The following RAD54B variants were observed in gnomAD, a reference collection of about 807,000 sequenced individuals.
RAD54B encodes the protein RAD54 homolog B.
Under a neutral mutation model 95.8 loss-of-function variants are expected in RAD54B, and 78 were observed. The observed-to-expected ratio is 0.81, with a 90% confidence interval of 0.68 to 0.98. The LOEUF (loss-of-function observed/expected upper bound fraction) is 0.98. RAD54B is among the 50% of genes least tolerant of loss of function. The pLI is 0.00. For missense variants in RAD54B, 957 were observed against 1,056.6 expected, an observed-to-expected ratio of 0.91 and a Z score of 1.31; for synonymous variants, 328 against 354.9, an observed-to-expected ratio of 0.92 and a Z score of 0.85.
chr8:94,412,023 C>CAAAGGGGATAGAGGG (rs1163909402), intron 3 of RAD54B, among the ~76,000 whole-genome samples: 2 of 152,122 alleles, frequency 1.3e-5, no homozygotes, highest in Non-Finnish European at 2.9e-5. Context: ...AACATCTCCC[C>CAAAGGGGATAGAGGG]AATGCCCCAC....
chr8:94,440,229 TC>T (rs1474628980), intron 3 of RAD54B, among the ~76,000 whole-genome samples: 1 of 151,996 alleles, frequency 6.6e-6, no homozygotes, highest in African/African-American at 2.4e-5. Flanking sequence ...AGCTTAGTCC[TC>T]AATGCAGACA....
intron 14 of RAD54B, among the ~76,000 whole-genome samples, chr8:94,373,552 G>C (rs67639046): frequency 0.38 from 57,769 of 152,122 alleles, 11,179 homozygotes; most frequent in Admixed American, 0.5. Flanking sequence ...CAAATGGATG[G>C]AAGAGCTCCA....
Position 94,453,841 on chromosome 8 carries a change from G to C in RAD54B, c.304+4427C>G, listed in dbSNP as rs1015413247. Among the ~76,000 whole-genome samples, 3 of 152,160 alleles carry C rather than the reference G, an allele frequency of 2.0e-5. No homozygotes were observed. The East Asian group carries it at 5.8e-4, about 30-fold the overall frequency. ...GTTTTGCTCTTTTTTGTCCAGGCTG[G>C]AGTGCAACGGCGCAATCTCGGCTCA... On this transcript the variant is annotated intron_variant, in intron 3 of 14. Coordinates refer to ENST00000336148, the MANE Select transcript of RAD54B (RefSeq NM_012415.3).
intron 3 of RAD54B, among the ~76,000 whole-genome samples, chr8:94,425,095 G>GT (rs1303246668): frequency 6.7e-6 from 1 of 150,290 alleles, no homozygotes; most frequent in Non-Finnish European, 1.5e-5. Flanking sequence ...ATAAGGGCAT[G>GT]TTTTGATAAA....
At chr8:94,389,949 CA>C (rs1437375113) in intron 10 of RAD54B, among the ~76,000 whole-genome samples, 5 of 152,190 alleles carry the variant, frequency 3.3e-5, no homozygotes, top group Admixed American at 6.5e-5. Flanking sequence ...TCTGGGCCAT[CA>C]TAAGGTCTTC....
In RAD54B at chr8:94,378,538, T is replaced by C. The variant is rs962628006; in HGVS notation, c.2314+30A>G. 6 of 1,546,368 alleles carry C rather than the reference T, an allele frequency of 3.9e-6. No individual in the cohort carries two copies. In the African/African-American group the frequency reaches 8.3e-5, roughly 21 times the overall value. On this transcript the variant is annotated intron_variant, in intron 13 of 14. Transcript: ENST00000336148. Reference sequence around the variant, plus strand: ...AATAATTTTAATTATTCAAAGAGTATACATTTTTGTCACACTGAAGGGTTG... The same window carrying C: ...AATAATTTTAATTATTCAAAGAGTACACATTTTTGTCACACTGAAGGGTTG...
Position 94,399,528 on chromosome 8 carries a change from T to C in RAD54B, c.1264A>G (p.Asn422Asp). ...MLLRSLDQIK[N>D]IKFDLLICDE... ...CAGATTAGAAGATCAAATTTTATAT[T>C]CTTAATTTGATCCAGGGAACGAAGT... is the stretch of plus-strand genomic sequence containing the variant. Residue 422 changes from asparagine to aspartate, a missense_variant, in exon 8 of 15, where the codon AAT becomes GAT. By Grantham distance (23) the Asn-to-Asp change is conservative. Transcript: ENST00000336148. The C allele has an allele frequency of 6.2e-7, 1 of 1,613,004 alleles. No homozygotes were observed. Among genetic ancestry groups the C allele is most frequent in the Admixed American group, 1.7e-5 (1 of 59,930 alleles).
Position 94,372,319 on chromosome 8 carries a change from A to AG in RAD54B, c.2583dup (p.Ser862LeufsTer29). On this transcript the variant is annotated frameshift_variant, in exon 15 of 15. Transcript: ENST00000336148. LOFTEE classifies it high-confidence loss of function. The stretch of plus-strand genomic sequence containing the variant: ...TGGGACATAGAAAGAGGTTTCAGGG[A>AG]GTTAGATTTCTGGTGATGTGGACCA... 1 of 1,613,812 alleles carries AG rather than the reference A, an allele frequency of 6.2e-7. No homozygotes were observed. The highest frequency in any genetic ancestry group is 8.5e-7 in the Non-Finnish European group (1 of 1,179,902).
At chr8:94,378,768 G>A in intron 12 of RAD54B, 134 bp from the exon 13 acceptor site, 2 of 628,882 alleles carry the variant, frequency 3.2e-6, no homozygotes, top group South Asian at 4.3e-5. Context: ...CAAATCTCAG[G>A]TGTGTGAAGC....
At chr8:94,434,128 A>C (rs1467532295) in intron 3 of RAD54B, among the ~76,000 whole-genome samples, 1 of 151,922 alleles carries the variant, frequency 6.6e-6, no homozygotes, top group Non-Finnish European at 1.5e-5. Context: ...TGCTTCTATT[A>C]ATAGCTCTGC....
intron 2 of RAD54B, among the ~76,000 whole-genome samples, chr8:94,466,421 T>A (rs6981551): frequency 2.0e-5 from 3 of 150,518 alleles, no homozygotes; most frequent in East Asian, 2.0e-4. Context: ...TTTTTTTTTT[T>A]GGGGGGGACG....
At chr8:94,388,719 C>T (rs1014792671) in intron 10 of RAD54B, among the ~76,000 whole-genome samples, 2 of 152,140 alleles carry the variant, frequency 1.3e-5, no homozygotes, top group Non-Finnish European at 2.9e-5. Context: ...CAAAATACAG[C>T]AATATTTAGG....
At chr8:94,433,445 A>G (rs1409394639) in intron 3 of RAD54B, among the ~76,000 whole-genome samples, 1 of 152,058 alleles carries the variant, frequency 6.6e-6, no homozygotes, top group Non-Finnish European at 1.5e-5. Context: ...AATGACTGAA[A>G]AAAAACAAAC....
rs574274760 is a variant in RAD54B at position 94,407,301 on chromosome 8, T to C, written c.781+138A>G. The C allele has an allele frequency of 2.1e-5, 17 of 805,966 alleles. No homozygotes were observed. The South Asian group carries it at 2.9e-4, about 14-fold the overall frequency. The allele number at this position is 805,966 out of a possible 1,614,324, so 49.9% of individuals were successfully genotyped here. On this transcript the variant is annotated intron_variant, in intron 5 of 14. Coordinates refer to ENST00000336148, the MANE Select transcript of RAD54B (RefSeq NM_012415.3). ...TGTTATTTGACTTCAACATTATCTC[T>C]TATGTCAGATTATATATCTCAAGAA...
intron 5 of RAD54B, among the ~76,000 whole-genome samples, chr8:94,406,144 G>A (rs1001728476): frequency 1.5e-4 from 23 of 151,868 alleles, no homozygotes; most frequent in East Asian, 1.9e-4. Flanking sequence ...CCTGGAAAGA[G>A]TATATACTAG....
intron 1 of RAD54B, among the ~76,000 whole-genome samples, chr8:94,469,765 C>G (rs1419526245): frequency 6.6e-6 from 1 of 152,162 alleles, no homozygotes; most frequent in African/African-American, 2.4e-5. Flanking sequence ...ATTACCATCA[C>G]TAACAAATAT....
rs1451825603 is a variant in RAD54B at position 94,475,034 on chromosome 8, A to C, written c.-50T>G. 3 of 152,372 alleles carry C rather than the reference A, an allele frequency of 2.0e-5. No homozygotes were observed. Among genetic ancestry groups the C allele is most frequent in the African/African-American group, 7.2e-5 (3 of 41,474 alleles). The allele number at this position is 152,372 out of a possible 1,614,324, so 9.4% of individuals were successfully genotyped here. A position where few individuals can be genotyped will look rare whatever the true frequency, so the allele number is the denominator to read the frequency against. On this transcript the variant is annotated 5_prime_UTR_variant, in exon 1 of 15. Coordinates refer to ENST00000336148, the MANE Select transcript of RAD54B (RefSeq NM_012415.3). ...ATCTGACAGAAACCACTGGCCCTGC[A>C]AAGAAGTCCTTCTGGTAACCAGCTA...
intron 3 of RAD54B, among the ~76,000 whole-genome samples, chr8:94,419,747 CAA>C (rs36042247): frequency 0.16 from 11,413 of 70,544 alleles, 741 homozygotes; most frequent in African/African-American, 0.32. Context: ...TGGCCCCCAC[CAA>C]AAAAAAAAAA....
At chr8:94,382,823 T>G (rs761534720) in intron 11 of RAD54B, among the ~76,000 whole-genome samples, 10 of 152,216 alleles carry the variant, frequency 6.6e-5, no homozygotes, top group Non-Finnish European at 1.2e-4. Context: ...TTCCTGCTAC[T>G]CTGTGAAGAA....
Sources: gnomAD v4.1 joint callset for allele counts (sites outside exome capture counted in the v4.1 genomes callset) on GRCh38, gnomAD v4.1.1 for gene constraint, MANE v1.5 for transcripts, NCBI Gene and HGNC (gene_info 2026-07-23, HGNC 2026-07-21) for gene names.